ENOX1: variants seen among roughly 807,000 people sequenced by gnomAD.
ENOX1 encodes the protein ecto-NOX disulfide-thiol exchanger 1, also known as candidate growth-related and time keeping constitutive hydroquinone (NADH) oxidase.
A neutral mutation model predicts 82.5 loss-of-function variants in ENOX1; 42 were observed. The observed-to-expected ratio is 0.51, with a 90% CI of 0.40 to 0.66. ENOX1 has a LOEUF of 0.66. ENOX1 is among the 30% of genes least tolerant of loss of function. ENOX1 has a pLI of 0.00. For synonymous variants in ENOX1, 271 were observed against 282.2 expected, an observed-to-expected ratio of 0.96 and a Z score of 0.40; for missense variants, 608 against 811.6, an observed-to-expected ratio of 0.75 and a Z score of 3.05.
At chr13:43,619,952 G>A (rs1411419096) in intron 2 of ENOX1, among the ~76,000 whole-genome samples, 2 of 151,924 alleles carry the variant, frequency 1.3e-5, no homozygotes, top group Non-Finnish European at 2.9e-5. Context: ...GTCTGTTCAG[G>A]GTATCTAACT....
chr13:43,777,087 AG>A (rs1202886466), intron 1 of ENOX1, among the ~76,000 whole-genome samples: 2 of 152,252 alleles, frequency 1.3e-5, no homozygotes, highest in Non-Finnish European at 2.9e-5. Flanking sequence ...TACTTTAAAA[AG>A]GTTCGCTTGT....
At chr13:43,716,087 T>C (rs1383089159) in intron 1 of ENOX1, among the ~76,000 whole-genome samples, 1 of 152,248 alleles carries the variant, frequency 6.6e-6, no homozygotes, top group Non-Finnish European at 1.5e-5. Context: ...TCCAGCTTTG[T>C]TCCGTTGCTG....
At chr13:43,620,237 C>A (rs1018123835) in intron 2 of ENOX1, among the ~76,000 whole-genome samples, 1 of 150,950 alleles carries the variant, frequency 6.6e-6, no homozygotes, top group Non-Finnish European at 1.5e-5. Flanking sequence ...TTTTTGGTTT[C>A]TATTTCATTT....
chr13:43,447,645 T>C lies in ENOX1; in HGVS notation c.-74-34657A>G, dbSNP rs181624193. On this transcript the variant is annotated intron_variant, in intron 3 of 16. Coordinates refer to ENST00000690772, the MANE Select transcript of ENOX1 (RefSeq NM_001347969.2). ...AGAAATCTGGGTCTGGCCAAGCATC[T>C]CTGATGCATACATGAAATGTACATG... Among the ~76,000 whole-genome samples, 4 of 152,212 alleles carry C rather than the reference T, an allele frequency of 2.6e-5. No individual in the cohort carries two copies. In the East Asian group the frequency reaches 7.7e-4, roughly 29 times the overall value.
At chr13:43,337,762 C>T (rs181320942) in intron 9 of ENOX1, among the ~76,000 whole-genome samples, 104 of 152,224 alleles carry the variant, frequency 6.8e-4, no homozygotes, top group Admixed American at 1.4e-3. Flanking sequence ...TACACACACA[C>T]ACACTTAGAA....
At chr13:43,472,055 T>A (rs1296788384) in intron 3 of ENOX1, among the ~76,000 whole-genome samples, 1 of 151,346 alleles carries the variant, frequency 6.6e-6, no homozygotes, top group East Asian at 1.9e-4. Flanking sequence ...GAGAAAGCAA[T>A]CCCAGCTTTG....
intron 2 of ENOX1, among the ~76,000 whole-genome samples, chr13:43,569,790 TCTG>T (rs1348848276): frequency 6.6e-6 from 1 of 152,220 alleles, no homozygotes; most frequent in East Asian, 1.9e-4. Context: ...TTTCTAAAGT[TCTG>T]CTTCTCTTCA....
At chr13:43,747,062 A>C (rs1196793154) in intron 1 of ENOX1, among the ~76,000 whole-genome samples, 1 of 152,138 alleles carries the variant, frequency 6.6e-6, no homozygotes, top group Non-Finnish European at 1.5e-5. Context: ...GGGAATGGTG[A>C]CAAGTATAAG....
At chr13:43,591,960 C>T (rs1485528639) in intron 2 of ENOX1, among the ~76,000 whole-genome samples, 1 of 152,188 alleles carries the variant, frequency 6.6e-6, no homozygotes, top group Non-Finnish European at 1.5e-5. Context: ...CTCACAGCAG[C>T]CCACACACGA....
intron 2 of ENOX1, among the ~76,000 whole-genome samples, chr13:43,570,929 C>T (rs2080150467): frequency 6.6e-6 from 1 of 152,108 alleles, no homozygotes; most frequent in African/African-American, 2.4e-5. Context: ...TTGATAAATG[C>T]CTATTCCCTC....
At chr13:43,740,834 T>C (rs1213789677) in intron 1 of ENOX1, among the ~76,000 whole-genome samples, 1 of 152,226 alleles carries the variant, frequency 6.6e-6, no homozygotes, top group Non-Finnish European at 1.5e-5. Flanking sequence ...TTTCTTTTTA[T>C]CGATGAATAA....
At chr13:43,614,755 G>A (rs1371181661) in intron 2 of ENOX1, among the ~76,000 whole-genome samples, 4 of 152,030 alleles carry the variant, frequency 2.6e-5, no homozygotes, top group Non-Finnish European at 4.4e-5. Context: ...GGTCTGGGAG[G>A]AGCCCCCCAT....
intron 1 of ENOX1, among the ~76,000 whole-genome samples, chr13:43,735,772 C>A (rs967138643): frequency 4.0e-5 from 6 of 151,524 alleles, no homozygotes; most frequent in African/African-American, 1.5e-4. Flanking sequence ...AGATAAAAGA[C>A]CAGGGATAAA....
chr13:43,333,594 T>C (rs1011782960), intron 9 of ENOX1, among the ~76,000 whole-genome samples: 1 of 152,156 alleles, frequency 6.6e-6, no homozygotes, highest in African/African-American at 2.4e-5. Flanking sequence ...CTAACTCCCT[T>C]AGTGGTTATG....
chr13:43,751,349 A>G (rs1950303167), intron 1 of ENOX1, among the ~76,000 whole-genome samples: 1 of 152,188 alleles, frequency 6.6e-6, no homozygotes, highest in African/African-American at 2.4e-5. Context: ...ACTTTACTGC[A>G]CTGGGTTTTT....
At chr13:43,322,338 A>G in intron 11 of ENOX1, 46 bp downstream of exon 11, 1 of 1,449,090 alleles carries the variant, frequency 6.9e-7, no homozygotes, top group Non-Finnish European at 9.6e-7. Flanking sequence ...GAGATTTGGA[A>G]GATCATTATG....
At chr13:43,739,670 G>A (rs190482334) in intron 1 of ENOX1, among the ~76,000 whole-genome samples, 64 of 152,030 alleles carry the variant, frequency 4.2e-4, no homozygotes, top group Admixed American at 1.7e-3. Flanking sequence ...AAGAGCTGTT[G>A]TGATGAGGTT....
intron 1 of ENOX1, among the ~76,000 whole-genome samples, chr13:43,784,643 C>A (rs1399514459): frequency 2.0e-5 from 3 of 152,232 alleles, no homozygotes; most frequent in African/African-American, 7.2e-5. Context: ...GGAATAGCCT[C>A]ATGTGATTCC....
intron 1 of ENOX1, among the ~76,000 whole-genome samples, chr13:43,668,806 T>G (rs2085114668): frequency 6.6e-6 from 1 of 152,128 alleles, no homozygotes; most frequent in East Asian, 1.9e-4. Context: ...CTGAGCTGAG[T>G]ATTGAAAAAG....
Sources: allele counts gnomAD v4.1 joint callset (sites outside exome capture counted in the v4.1 genomes callset), GRCh38; gene constraint gnomAD v4.1.1; transcripts MANE v1.5; gene names NCBI Gene and HGNC (gene_info 2026-07-23, HGNC 2026-07-21).